CTNNA2: variants seen among roughly 807,000 people sequenced by gnomAD.
CTNNA2 encodes the protein catenin alpha 2, also known as catenin alpha-2.
A neutral mutation model predicts 101.0 loss-of-function variants in CTNNA2; 42 were observed. That is an observed-to-expected ratio of 0.42 (90% CI 0.32 to 0.54). The LOEUF (loss-of-function observed/expected upper bound fraction) is 0.54, where lower values mean the gene tolerates loss of function less well. CTNNA2 is among the 20% of genes least tolerant of loss of function. The probability of loss-of-function intolerance (pLI) is 0.14; values close to 1 mark genes in which losing one functional copy is unlikely to be tolerated. For missense variants in CTNNA2, 871 were observed against 1,223.1 expected (o/e 0.71, Z 4.29); for synonymous variants, 450 against 456.4 (o/e 0.99, Z 0.18).
chr2:80,431,445 G>T (rs1226705459), intron 9 of CTNNA2, among the ~76,000 whole-genome samples: 2 of 152,124 alleles, frequency 1.3e-5, no homozygotes, highest in East Asian at 3.9e-4. Flanking sequence ...GCCTATCTTT[G>T]ATATTTTACA....
In CTNNA2 at chr2:79,304,561, C is replaced by T. The variant is rs945509483; in HGVS notation, c.-405-8148C>T. Among the ~76,000 whole-genome samples the T allele has an allele frequency of 3.9e-5, 6 of 152,238 alleles. No individual in the cohort carries two copies. In the South Asian group the frequency reaches 6.2e-4, roughly 16 times the overall value. On this transcript the variant is annotated intron_variant, in intron 2 of 21. Transcript: ENST00000466387. ...CAGGTGGCCAAATATACCTTGATTG[C>T]AGACTCATAAACCGAAGGATTAAGC...
chr2:79,594,683 A>C (rs1004258701), intron 1 of CTNNA2, among the ~76,000 whole-genome samples: 1 of 152,144 alleles, frequency 6.6e-6, no homozygotes, highest in African/African-American at 2.4e-5. Flanking sequence ...ATACATTAAG[A>C]GGGCATTTCT....
chr2:79,190,477 A>G (rs1460784612), intron 1 of CTNNA2, among the ~76,000 whole-genome samples: 1 of 152,078 alleles, frequency 6.6e-6, no homozygotes, highest in Middle Eastern at 3.2e-3. Flanking sequence ...TACATTCATG[A>G]TCACCATACT....
chr2:79,983,143 T>C (rs575420458), intron 7 of CTNNA2, among the ~76,000 whole-genome samples: 1 of 149,380 alleles, frequency 6.7e-6, no homozygotes, highest in East Asian at 1.9e-4. Context: ...TGTATATATA[T>C]ATATATTTTG....
At chr2:80,260,135 G>C (rs1230741754) in intron 7 of CTNNA2, among the ~76,000 whole-genome samples, 1 of 152,106 alleles carries the variant, frequency 6.6e-6, no homozygotes, top group African/African-American at 2.4e-5. Flanking sequence ...AATTTTCCTA[G>C]TATCTCAATT....
chr2:80,007,683 A>T (rs1377799490), intron 7 of CTNNA2, among the ~76,000 whole-genome samples: 1 of 152,192 alleles, frequency 6.6e-6, no homozygotes, highest in Non-Finnish European at 1.5e-5. Flanking sequence ...TTTCTTTAAC[A>T]GTTCTCATTA....
chr2:80,451,041 C>A (rs1683462660), intron 9 of CTNNA2, among the ~76,000 whole-genome samples: 1 of 151,966 alleles, frequency 6.6e-6, no homozygotes, highest in South Asian at 2.1e-4. Context: ...ATACACTTAC[C>A]TTTCTCTGAA....
chr2:79,828,390 C>A (rs890352095), intron 3 of CTNNA2, among the ~76,000 whole-genome samples: 1 of 152,130 alleles, frequency 6.6e-6, no homozygotes, highest in Non-Finnish European at 1.5e-5. Flanking sequence ...AACGCAAATA[C>A]AACTAAAAAT....
intron 4 of CTNNA2, among the ~76,000 whole-genome samples, chr2:79,464,328 G>T (rs962740700): frequency 6.6e-6 from 1 of 152,084 alleles, no homozygotes; most frequent in African/African-American, 2.4e-5. Flanking sequence ...CTTCTTTGTG[G>T]CTGCATAGTA....
chr2:79,769,055 T>C (rs112931444), intron 3 of CTNNA2, among the ~76,000 whole-genome samples: 18,006 of 151,968 alleles, frequency 0.12, 1,183 homozygotes, highest in Admixed American at 0.17. Flanking sequence ...AGAGGTTTCA[T>C]CATGTTAGCC....
chr2:79,759,488 T>C (rs1672634698), intron 3 of CTNNA2, among the ~76,000 whole-genome samples: 3 of 152,214 alleles, frequency 2.0e-5, no homozygotes, highest in Non-Finnish European at 4.4e-5. Context: ...TCACCAAGCT[T>C]GCTCTGCTTT....
chr2:79,663,971 T>A (rs1184577148), intron 2 of CTNNA2, among the ~76,000 whole-genome samples: 1 of 152,228 alleles, frequency 6.6e-6, no homozygotes, highest in African/African-American at 2.4e-5. Flanking sequence ...TAATTGTATG[T>A]TGCAGTATTT....
chr2:80,563,905 G>A (rs1473947978), intron 12 of CTNNA2, among the ~76,000 whole-genome samples: 4 of 152,022 alleles, frequency 2.6e-5, no homozygotes, highest in South Asian at 2.1e-4. Context: ...GTTTATATCT[G>A]TCTTCTGTCC....
chr2:79,759,506 T>G (rs551418795), intron 3 of CTNNA2, among the ~76,000 whole-genome samples: 135 of 152,308 alleles, frequency 8.9e-4, no homozygotes, highest in Admixed American at 2.5e-3. Flanking sequence ...TTTGAGTCAT[T>G]GGGTTCAACT....
At position 79,369,742 on chromosome 2, in the gene CTNNA2, C is replaced by T. The variant is rs902978294; in HGVS notation, c.-317-4089C>T. On this transcript the variant is annotated intron_variant, in intron 3 of 21. Coordinates refer to the CTNNA2 transcript ENST00000466387. ...CTGCCTCCACCCTTTGCCCATATTG[C>T]TCCCATTTACCTCCACTGGGAGTAT... Among the ~76,000 whole-genome samples, 14 of 152,304 alleles carry T rather than the reference C, an allele frequency of 9.2e-5. No homozygotes were observed. The East Asian group carries it at 2.7e-3, about 29-fold the overall frequency.
intron 2 of CTNNA2, among the ~76,000 whole-genome samples, chr2:79,212,050 G>T (rs1028579123): frequency 1.3e-5 from 2 of 152,146 alleles, no homozygotes; most frequent in Non-Finnish European, 2.9e-5. Flanking sequence ...TGGATTAAAG[G>T]TCTAAGAATT....
At chr2:79,944,429 T>C (rs2104467545) in intron 7 of CTNNA2, among the ~76,000 whole-genome samples, 1 of 152,348 alleles carries the variant, frequency 6.6e-6, no homozygotes, top group Non-Finnish European at 1.5e-5. Flanking sequence ...AAGTTTGGAC[T>C]TCTAGGAGTT....
rs533783517 is a variant in CTNNA2 at position 80,444,738 on chromosome 2, G to A, written c.1290+25137G>A. Among the ~76,000 whole-genome samples the A allele has an allele frequency of 1.2e-4, 19 of 152,240 alleles. 1 individual carries two copies. In the South Asian group the frequency reaches 3.9e-3, roughly 32 times the overall value. ...GTTTATTTTCTCTCTACCTTGTGAGGACATAGCAAGAAGACTGCCATGGAA... is the reference window on the plus strand; with the variant it reads ...GTTTATTTTCTCTCTACCTTGTGAGAACATAGCAAGAAGACTGCCATGGAA... On this transcript the variant is annotated intron_variant, in intron 9 of 18. Coordinates refer to ENST00000402739, the MANE Select transcript of CTNNA2 (RefSeq NM_001282597.3).
chr2:79,696,047 A>G (rs1008890918), intron 2 of CTNNA2, among the ~76,000 whole-genome samples: 3 of 152,028 alleles, frequency 2.0e-5, no homozygotes, highest in East Asian at 3.9e-4. Context: ...TAGACAAGGG[A>G]CTTAGAGCCA....
Sources: gnomAD v4.1 joint callset for allele counts (sites outside exome capture counted in the v4.1 genomes callset) on GRCh38, gnomAD v4.1.1 for gene constraint, MANE v1.5 for transcripts, NCBI Gene and HGNC (gene_info 2026-07-23, HGNC 2026-07-21) for gene names.